Variants in RIMS2 observed in about 807,000 individuals in gnomAD.
The protein encoded by RIMS2 is regulating synaptic membrane exocytosis 2.
In RIMS2, 59 loss-of-function variants were observed where a neutral mutation model predicts 174.4. That is an observed-to-expected ratio of 0.34 (90% CI 0.27 to 0.42). The LOEUF is 0.42. RIMS2 is among the 10% of genes least tolerant of loss of function. The pLI, the probability that RIMS2 is intolerant of heterozygous loss-of-function variation, is 1.00. For missense variants in RIMS2, 1,620 were observed against 1,666.3 expected (o/e 0.97, Z 0.48); for synonymous variants, 606 against 572.5 (o/e 1.06, Z -0.84).
chr8:104,232,529 G>A (rs746567348), intron 19 of RIMS2, among the ~76,000 whole-genome samples: 4 of 152,144 alleles, frequency 2.6e-5, no homozygotes, highest in Admixed American at 2.6e-4. Flanking sequence ...CTCTAGGAAG[G>A]CTGGAGATTC....
intron 2 of RIMS2, among the ~76,000 whole-genome samples, chr8:103,711,895 G>GT (rs1354953293): frequency 2.0e-5 from 2 of 100,732 alleles, no homozygotes; most frequent in African/African-American, 4.4e-5. Flanking sequence ...GACCCCATCT[G>GT]AAATATATAT....
chr8:103,657,695 A>G (rs1203791575), intron 1 of RIMS2, among the ~76,000 whole-genome samples: 1 of 152,126 alleles, frequency 6.6e-6, no homozygotes, highest in Non-Finnish European at 1.5e-5. Context: ...TTTATAGCAA[A>G]CGTTCCTGCC....
At chr8:104,246,183 T>C (rs1231343585) in intron 20 of RIMS2, among the ~76,000 whole-genome samples, 5 of 152,180 alleles carry the variant, frequency 3.3e-5, no homozygotes, top group Admixed American at 6.6e-5. Context: ...ATTCAACAAA[T>C]ATTACCATAC....
At chr8:104,008,212 G>C (rs531667137) in intron 17 of RIMS2, among the ~76,000 whole-genome samples, 1 of 152,030 alleles carries the variant, frequency 6.6e-6, no homozygotes, top group African/African-American at 2.4e-5. Flanking sequence ...TTTTACATTT[G>C]ACAAATCATT....
chr8:104,186,924 T>C (rs932027015), intron 19 of RIMS2, among the ~76,000 whole-genome samples: 1 of 151,616 alleles, frequency 6.6e-6, no homozygotes, highest in African/African-American at 2.4e-5. Context: ...TGCAGGAAAA[T>C]ATATTGTTCA....
rs368252023 is a variant in RIMS2 at position 103,676,670 on chromosome 8, T to A, written c.177-20416T>A. Among the ~76,000 whole-genome samples, 3 of 152,208 alleles carry A rather than the reference T, an allele frequency of 2.0e-5. No individual in the cohort carries two copies. In the East Asian group the frequency reaches 5.8e-4, roughly 29 times the overall value. On this transcript the variant is annotated intron_variant, in intron 1 of 23. Transcript: ENST00000504942. The stretch of plus-strand genomic sequence containing the variant: ...ATAGGAATATCTGGGTGAGCTTAAT[T>A]CAGGAGCCCTCATTTTAAAATATAC...
In RIMS2 at chr8:103,684,082, C is replaced by T. The variant is rs139898589; in HGVS notation, c.177-13004C>T. Among the ~76,000 whole-genome samples the T allele has an allele frequency of 1.4e-4, 22 of 152,258 alleles. No individual in the cohort carries two copies. The East Asian group carries it at 4.0e-3, about 28-fold the overall frequency. The stretch of plus-strand genomic sequence containing the variant: ...TTTTCTTAATGTCAGGTTTTATGAA[C>T]TATAGTTTATTTACAGTAAAATTTA... On this transcript the variant is annotated intron_variant, in intron 1 of 23. Coordinates refer to ENST00000504942, the Ensembl canonical transcript of RIMS2.
intron 1 of RIMS2, 125 bp from the exon 3 acceptor site, chr8:103,652,499 T>C (rs1336177139): frequency 1.1e-5 from 5 of 461,498 alleles, no homozygotes; most frequent in South Asian, 5.5e-5. Flanking sequence ...TGGATGATAA[T>C]TGGAGCTCAC....
At chr8:103,910,146 A>G in exon 5 of RIMS2, 1 of 1,609,804 alleles carries the variant, frequency 6.2e-7, no homozygotes, top group East Asian at 2.2e-5. Context: ...GACATGGATT[A>G]CAACTGGTTG....
intron 15 of RIMS2, among the ~76,000 whole-genome samples, chr8:103,962,630 T>A (rs1475923057): frequency 1.3e-5 from 2 of 152,142 alleles, no homozygotes; most frequent in African/African-American, 2.4e-5. Flanking sequence ...ATTGATTGAT[T>A]GATTGGTTTT....
intron 3 of RIMS2, among the ~76,000 whole-genome samples, chr8:103,847,048 GATT>G (rs2098971510): frequency 6.6e-6 from 1 of 152,076 alleles, no homozygotes; most frequent in South Asian, 2.1e-4. Context: ...ATGCCAGTGT[GATT>G]ATTATTATTT....
At chr8:104,252,851 C>T (rs1423463617), downstream of RIMS2, 4 of 152,120 alleles carry the variant, frequency 2.6e-5, no homozygotes, top group African/African-American at 4.8e-5. Context: ...TTTACCTCTT[C>T]TCCCTCTTTT....
chr8:103,997,577 C>T (rs1330667407), intron 17 of RIMS2, among the ~76,000 whole-genome samples: 2 of 151,364 alleles, frequency 1.3e-5, no homozygotes, highest in Admixed American at 1.3e-4. Flanking sequence ...AGTTATGAGG[C>T]ATGAAAGGTA....
intron 1 of RIMS2, among the ~76,000 whole-genome samples, chr8:103,617,315 A>G (rs917587491): frequency 1.3e-5 from 2 of 152,230 alleles, no homozygotes; most frequent in African/African-American, 4.8e-5. Context: ...CATATGCAGA[A>G]GATTGAAGCT....
At chr8:104,023,927 A>G (rs570206498) in intron 19 of RIMS2, among the ~76,000 whole-genome samples, 1 of 152,302 alleles carries the variant, frequency 6.6e-6, no homozygotes, top group South Asian at 2.1e-4. Context: ...TACTTGAAGG[A>G]GAGAATTTAT....
At chr8:104,065,607 A>C (rs928501006) in intron 19 of RIMS2, among the ~76,000 whole-genome samples, 2 of 152,146 alleles carry the variant, frequency 1.3e-5, no homozygotes, top group Non-Finnish European at 2.9e-5. Context: ...AAGACTTCAT[A>C]TGAACCAAAT....
intron 1 of RIMS2, among the ~76,000 whole-genome samples, chr8:103,518,569 T>C (rs1459042164): frequency 6.6e-6 from 1 of 151,782 alleles, no homozygotes; most frequent in Non-Finnish European, 1.5e-5. Context: ...AATATTAATT[T>C]ATATATTGAT....
chr8:104,010,192 ATAGG>A (rs1257077833), intron 17 of RIMS2, among the ~76,000 whole-genome samples: 3 of 152,188 alleles, frequency 2.0e-5, no homozygotes, highest in Non-Finnish European at 2.9e-5. Context: ...AACTGAAAAA[ATAGG>A]TAGGAAGTTG....
chr8:103,792,285 C>T (rs2098506620), intron 3 of RIMS2, among the ~76,000 whole-genome samples: 1 of 152,138 alleles, frequency 6.6e-6, no homozygotes, highest in African/African-American at 2.4e-5. Flanking sequence ...AACCTCTCAC[C>T]TACATGGAAA....
Sources: gnomAD v4.1 joint callset for allele counts (sites outside exome capture counted in the v4.1 genomes callset) on GRCh38, gnomAD v4.1.1 for gene constraint, MANE v1.5 for transcripts, NCBI Gene and HGNC (gene_info 2026-07-23, HGNC 2026-07-21) for gene names.